TRAPPC9: variants seen among roughly 807,000 people sequenced by gnomAD.
TRAPPC9 encodes IKK2 binding protein.
Under a neutral mutation model 124.0 loss-of-function variants are expected in TRAPPC9, and 83 were observed. The observed-to-expected ratio is 0.67, with a 90% confidence interval of 0.56 to 0.80. TRAPPC9 has a LOEUF of 0.80. Ranked by LOEUF, TRAPPC9 falls within the 30% of genes least tolerant of loss-of-function variation. The probability of loss-of-function intolerance (pLI) is 0.00; values close to 1 mark genes in which losing one functional copy is unlikely to be tolerated. For missense variants in TRAPPC9, 1,302 were observed against 1,508.3 expected (o/e 0.86, Z 2.27); for synonymous variants, 638 against 617.5 (o/e 1.03, Z -0.49).
chr8:140,252,984 C>CTGCCCCAG lies in TRAPPC9; in HGVS notation c.2279-56_2279-55insCTGGGGCA. The CTGCCCCAG allele has an allele frequency of 6.4e-7, 1 of 1,564,536 alleles. No homozygotes were observed. The highest frequency in any genetic ancestry group is 8.8e-7 in the Non-Finnish European group (1 of 1,139,820). On this transcript the variant is annotated intron_variant, in intron 15 of 22. Coordinates refer to ENST00000438773, the MANE Select transcript of TRAPPC9 (RefSeq NM_001160372.4). This position sits in a 1 kb window ranked among gnomAD's most constrained non-coding sequence, Gnocchi z 4.2. ...ATGCTGTAACTGAGGCAGTATGGGA[C>CTGCCCCAG]TTACCAATCCCCTAGAAAATTCTGA...
intron 21 of TRAPPC9, among the ~76,000 whole-genome samples, chr8:139,791,921 C>A (rs1289584195): frequency 2.6e-5 from 4 of 152,178 alleles, no homozygotes; most frequent in Non-Finnish European, 5.9e-5. Flanking sequence ...GTGGAAGGAG[C>A]CCCTCGACAA....
chr8:139,806,829 A>G (rs1235952111), intron 21 of TRAPPC9, among the ~76,000 whole-genome samples: 2 of 152,192 alleles, frequency 1.3e-5, no homozygotes, highest in Non-Finnish European at 2.9e-5. Context: ...CATGATGGGG[A>G]GAGAGAGGCT....
chr8:139,783,509 A>G (rs11166926), intron 21 of TRAPPC9, among the ~76,000 whole-genome samples: 58,081 of 152,168 alleles, frequency 0.38, 13,363 homozygotes, highest in Non-Finnish European at 0.52. Context: ...TCTTTAATAT[A>G]CCTACAAAAG....
At chr8:140,429,714 G>A (rs997871192) in intron 4 of TRAPPC9, among the ~76,000 whole-genome samples, 12 of 152,240 alleles carry the variant, frequency 7.9e-5, no homozygotes, top group South Asian at 2.1e-4. Context: ...GCTGAGGCAC[G>A]AGAATTGCTT....
intron 9 of TRAPPC9, among the ~76,000 whole-genome samples, chr8:140,349,544 GGCTGA>G (rs1385456739): frequency 1.3e-5 from 2 of 152,164 alleles, no homozygotes; most frequent in Non-Finnish European, 2.9e-5. Context: ...GGCTTGGCTG[GGCTGA>G]GCTGAGCTGC....
chr8:139,796,168 AGGAG>A (rs1823079595), intron 21 of TRAPPC9, among the ~76,000 whole-genome samples: 1 of 151,722 alleles, frequency 6.6e-6, no homozygotes, highest in African/African-American at 2.4e-5. Flanking sequence ...GAGGAGGAGG[AGGAG>A]GAGAAGGATG....
At chr8:140,207,146 A>G (rs998996777) in intron 17 of TRAPPC9, among the ~76,000 whole-genome samples, 2 of 152,322 alleles carry the variant, frequency 1.3e-5, no homozygotes, top group Admixed American at 6.5e-5. Context: ...CTCCTTCACC[A>G]TAAGAACTCC....
In TRAPPC9 at chr8:140,287,703, G is replaced by C; in HGVS notation, c.1886C>G (p.Ser629Cys). ...GLLTSGVEFE[S>C]LPAALSLPAE... ...CGGAAGAGAAAGCGCCGCAGGGAGAGACTCGAACTCCACTCCGCTGGTGAG... is the reference window on the plus strand; with the variant it reads ...CGGAAGAGAAAGCGCCGCAGGGAGACACTCGAACTCCACTCCGCTGGTGAG... The change falls in exon 13 of 23, where the codon TCT becomes TGT. Residue 629 changes from serine to cysteine, a missense_variant. Around this residue, in one of 3 missense-constraint regions of TRAPPC9, gnomAD observed 640 missense variants for 679.3 expected, o/e 0.94. Coordinates refer to ENST00000438773, the MANE Select transcript of TRAPPC9 (RefSeq NM_001160372.4). 6.2e-7 allele frequency: 1 copy of C among 1,614,210 alleles called. No individual in the cohort carries two copies. The highest frequency in any genetic ancestry group is 8.5e-7 in the Non-Finnish European group (1 of 1,180,034).
intron 19 of TRAPPC9, chr8:139,933,443 G>A (rs1833324847): frequency 6.6e-6 from 1 of 152,222 alleles, no homozygotes; most frequent in Non-Finnish European, 1.5e-5. Context: ...GAACAAAACA[G>A]AGCAAGAGTT....
At chr8:140,404,716 ATG>A (rs1008955086) in intron 6 of TRAPPC9, among the ~76,000 whole-genome samples, 3 of 150,956 alleles carry the variant, frequency 2.0e-5, no homozygotes, top group Non-Finnish European at 4.4e-5. Context: ...ACATGTGAGC[ATG>A]TGTGTACATG....
chr8:140,449,673 T>C (rs1179496205), intron 2 of TRAPPC9, among the ~76,000 whole-genome samples: 1 of 152,240 alleles, frequency 6.6e-6, no homozygotes, highest in Non-Finnish European at 1.5e-5. Flanking sequence ...GGCATCCTGA[T>C]ATCCATGCTT....
intron 18 of TRAPPC9, among the ~76,000 whole-genome samples, chr8:139,994,214 G>C (rs1314412553): frequency 2.0e-5 from 3 of 152,258 alleles, no homozygotes; most frequent in African/African-American, 4.8e-5. Flanking sequence ...CAGCAGAGGA[G>C]AAGGTGATGC....
chr8:140,151,346 G>A (rs150975401), intron 17 of TRAPPC9, among the ~76,000 whole-genome samples: 209 of 152,212 alleles, frequency 1.4e-3, no homozygotes, highest in African/African-American at 4.7e-3. Flanking sequence ...CCTTCCTCCC[G>A]CTCTGTATTA....
At chr8:140,157,336 T>TTTTCCATTCAGAAGCCTCCC (rs2061670356) in intron 17 of TRAPPC9, among the ~76,000 whole-genome samples, 1 of 59,832 alleles carries the variant, frequency 1.7e-5, no homozygotes, top group Admixed American at 1.6e-4. Flanking sequence ...AAAGCCTCCC[T>TTTTCCATTCAGAAGCCTCCC]TTTCCATTCA....
At chr8:140,200,237 T>C (rs1183180505) in intron 17 of TRAPPC9, among the ~76,000 whole-genome samples, 1 of 152,130 alleles carries the variant, frequency 6.6e-6, no homozygotes, top group African/African-American at 2.4e-5. Flanking sequence ...GATGTGTAGA[T>C]GCATAGGTTT....
intron 21 of TRAPPC9, among the ~76,000 whole-genome samples, chr8:139,784,810 A>T (rs991825165): frequency 6.6e-6 from 1 of 151,980 alleles, no homozygotes; most frequent in Non-Finnish European, 1.5e-5. Flanking sequence ...GAAATTATAG[A>T]CGGCTCAAAA....
At chr8:139,844,441 C>T (rs940404910) in intron 21 of TRAPPC9, among the ~76,000 whole-genome samples, 11 of 152,226 alleles carry the variant, frequency 7.2e-5, no homozygotes, top group Admixed American at 7.2e-4. Context: ...TCTATTTCGT[C>T]AAGACGTTCC....
intron 17 of TRAPPC9, among the ~76,000 whole-genome samples, chr8:140,039,045 T>C (rs919208435): frequency 5.9e-5 from 9 of 152,232 alleles, no homozygotes; most frequent in African/African-American, 2.2e-4. Flanking sequence ...TGCAGTGATC[T>C]ACAAGATCCC....
At chr8:140,282,904 C>G (rs28698752) in intron 14 of TRAPPC9, among the ~76,000 whole-genome samples, 6 of 152,100 alleles carry the variant, frequency 3.9e-5, no homozygotes, top group African/African-American at 1.4e-4. Flanking sequence ...TTTCCTGTAA[C>G]GCTAAAAAAC....
Sources: allele counts gnomAD v4.1 joint callset (sites outside exome capture counted in the v4.1 genomes callset), GRCh38; gene constraint gnomAD v4.1.1; regional missense constraint gnomAD v4.1.1; non-coding constraint Gnocchi (gnomAD v3.1); transcripts MANE v1.5; gene names NCBI Gene and HGNC (gene_info 2026-07-23, HGNC 2026-07-21).